The following CAMKMT variants were observed in gnomAD, a reference collection of about 807,000 sequenced individuals.
CAMKMT encodes the protein calmodulin-lysine N-methyltransferase, also known as CaM KMT.
Under a neutral mutation model 48.0 loss-of-function variants are expected in CAMKMT, and 53 were observed. The ratio of observed to expected loss-of-function variants is 1.10; its 90% CI spans 0.89 to 1.39. The LOEUF (loss-of-function observed/expected upper bound fraction) is 1.39. Ranked by LOEUF, CAMKMT falls within the 40% of genes most tolerant of loss-of-function variation. The pLI is 0.00. For missense variants in CAMKMT, 428 were observed against 402.7 expected, an observed-to-expected ratio of 1.06 and a Z score of -0.54; for synonymous variants, 165 against 152.3, an observed-to-expected ratio of 1.08 and a Z score of -0.61.
intron 3 of CAMKMT, among the ~76,000 whole-genome samples, chr2:44,642,539 GT>G (rs1209319908): frequency 1.3e-5 from 2 of 152,148 alleles, no homozygotes; most frequent in African/African-American, 4.8e-5. Context: ...AAGAAGACTG[GT>G]TGTCAGGAAG....
intron 3 of CAMKMT, among the ~76,000 whole-genome samples, chr2:44,614,506 C>G (rs774926068): frequency 2.3e-4 from 35 of 152,244 alleles, no homozygotes; most frequent in Non-Finnish European, 4.4e-5. Flanking sequence ...GGACCAAAAT[C>G]TCTGCCTTCA....
chr2:44,741,080 A>G (rs1358951499), intron 7 of CAMKMT, among the ~76,000 whole-genome samples: 1 of 152,256 alleles, frequency 6.6e-6, no homozygotes, highest in Non-Finnish European at 1.5e-5. Context: ...TTGAAAATAA[A>G]TGTTTAGAAA....
At chr2:44,458,838 A>G (rs910680059) in intron 3 of CAMKMT, among the ~76,000 whole-genome samples, 1 of 152,178 alleles carries the variant, frequency 6.6e-6, no homozygotes, top group Non-Finnish European at 1.5e-5. Context: ...TTCCTCTTCT[A>G]GTTGCAGTAA....
intron 3 of CAMKMT, among the ~76,000 whole-genome samples, chr2:44,567,977 C>A (rs1668704635): frequency 6.8e-6 from 1 of 146,666 alleles, no homozygotes; most frequent in Admixed American, 7.0e-5. Flanking sequence ...TACTGGGGAC[C>A]AAGGTTAATT....
At chr2:44,420,046 G>A (rs1403861328) in intron 3 of CAMKMT, among the ~76,000 whole-genome samples, 2 of 152,038 alleles carry the variant, frequency 1.3e-5, no homozygotes, top group Non-Finnish European at 2.9e-5. Flanking sequence ...CCAAGTTTAG[G>A]TGAATACTCA....
chr2:44,706,178 G>T (rs888554237), intron 4 of CAMKMT, 109 bp from the exon 5 acceptor site: 103 of 1,013,874 alleles, frequency 1.0e-4, no homozygotes, highest in Admixed American at 5.3e-4. Flanking sequence ...CAACTTCCTG[G>T]TAGCGCCGTT....
At chr2:44,488,498 CTG>C (rs895754940) in intron 3 of CAMKMT, among the ~76,000 whole-genome samples, 1 of 152,074 alleles carries the variant, frequency 6.6e-6, no homozygotes, top group African/African-American at 2.4e-5. Flanking sequence ...GAGCAAAACT[CTG>C]TCTTTTAAAA....
intron 3 of CAMKMT, among the ~76,000 whole-genome samples, chr2:44,652,644 C>T (rs1572999416): frequency 1.3e-5 from 2 of 152,322 alleles, no homozygotes; most frequent in East Asian, 3.9e-4. Context: ...CACACACGTG[C>T]GTACAGACAC....
intron 3 of CAMKMT, among the ~76,000 whole-genome samples, chr2:44,551,040 G>T (rs888114327): frequency 3.3e-5 from 5 of 152,100 alleles, no homozygotes; most frequent in African/African-American, 9.7e-5. Context: ...GTGTTTTATT[G>T]TAAAAAGTCT....
intron 3 of CAMKMT, among the ~76,000 whole-genome samples, chr2:44,409,831 G>A (rs1197992609): frequency 6.6e-6 from 1 of 152,118 alleles, no homozygotes; most frequent in Non-Finnish European, 1.5e-5. Flanking sequence ...TAAGGACTGT[G>A]TCGTTTGTTC....
At chr2:44,667,237 A>G (rs564674805) in intron 3 of CAMKMT, among the ~76,000 whole-genome samples, 27 of 152,280 alleles carry the variant, frequency 1.8e-4, no homozygotes, top group African/African-American at 6.3e-4. Context: ...GACTAAATGG[A>G]TTGATTTCCT....
rs78290319 is a variant in CAMKMT, at chr2:44,434,666, T to TTG, written c.376+44373_376+44374dup. On this transcript the variant is annotated intron_variant, in intron 3 of 10. Coordinates refer to ENST00000378494, the MANE Select transcript of CAMKMT (RefSeq NM_024766.5). The stretch of plus-strand genomic sequence containing the variant: ...AGTATGTTGAATGAATGAAGCAGCT[T>TTG]TGTGTGTGTGTGTATGTGTCTGTGA... Among the ~76,000 whole-genome samples, 328 of 152,086 alleles carry TTG rather than the reference T, an allele frequency of 2.2e-3. No individual in the cohort carries two copies. In the Middle Eastern group the frequency reaches 0.028, roughly 13 times the overall value.
chr2:44,422,183 T>G (rs183100943), intron 3 of CAMKMT, among the ~76,000 whole-genome samples: 1 of 152,314 alleles, frequency 6.6e-6, no homozygotes, highest in East Asian at 1.9e-4. Context: ...TGTTTAAAAG[T>G]GTGTAGCTCC....
intron 7 of CAMKMT, among the ~76,000 whole-genome samples, chr2:44,741,000 G>T (rs1180359741): frequency 6.6e-6 from 1 of 152,198 alleles, no homozygotes; most frequent in Non-Finnish European, 1.5e-5. Flanking sequence ...GCCACTCAAT[G>T]AGTAGGCCAT....
chr2:44,597,839 C>T (rs1448868150), intron 3 of CAMKMT, among the ~76,000 whole-genome samples: 7 of 152,092 alleles, frequency 4.6e-5, no homozygotes, highest in South Asian at 2.1e-4. Context: ...CTGGTTCAAG[C>T]GATTCTCCTG....
intron 2 of CAMKMT, among the ~76,000 whole-genome samples, chr2:44,379,996 T>C (rs1037385742): frequency 2.0e-5 from 3 of 152,190 alleles, no homozygotes; most frequent in African/African-American, 7.2e-5. Flanking sequence ...AGGTGTAACA[T>C]GTCTATTTTT....
intron 3 of CAMKMT, among the ~76,000 whole-genome samples, chr2:44,426,141 A>T (rs1345295028): frequency 2.0e-5 from 3 of 152,374 alleles, no homozygotes; most frequent in African/African-American, 7.2e-5. Context: ...ATTAGAAATT[A>T]TGCTATCACT....
intron 3 of CAMKMT, among the ~76,000 whole-genome samples, chr2:44,447,379 A>G (rs564100555): frequency 6.6e-6 from 1 of 152,320 alleles, no homozygotes; most frequent in East Asian, 1.9e-4. Flanking sequence ...CCCTCCTCCA[A>G]ATATTCATAA....
At chr2:44,390,164 C>A in intron 2 of CAMKMT, 77 bp from the exon 3 acceptor site, 1 of 1,036,248 alleles carries the variant, frequency 9.7e-7, no homozygotes, top group Middle Eastern at 2.0e-4. Context: ...AATATACAGT[C>A]TCAGTCTCAG....
Sources: allele counts gnomAD v4.1 joint callset (sites outside exome capture counted in the v4.1 genomes callset), GRCh38; gene constraint gnomAD v4.1.1; transcripts MANE v1.5; gene names NCBI Gene and HGNC (gene_info 2026-07-23, HGNC 2026-07-21).